Variants in SNTG1 observed in about 807,000 individuals in gnomAD.
SNTG1 encodes the protein gamma-1-syntrophin.
In SNTG1, 39 loss-of-function variants were observed where a neutral mutation model predicts 74.7. That is an observed-to-expected ratio of 0.52 (90% CI 0.40 to 0.68). The LOEUF (loss-of-function observed/expected upper bound fraction) is 0.68. Among genes scored for constraint, SNTG1 ranks in the 30% least tolerant of loss-of-function variants. The pLI is 0.00. For synonymous variants in SNTG1, 254 were observed against 217.1 expected (o/e 1.17, Z -1.49); for missense variants, 685 against 609.5 (o/e 1.12, Z -1.30).
chr8:49,915,284 T>C (rs995320767), intron 1 of SNTG1, among the ~76,000 whole-genome samples: 2 of 152,168 alleles, frequency 1.3e-5, no homozygotes, highest in African/African-American at 4.8e-5. Context: ...ATTCAATGAT[T>C]TTGAGAGTGT....
intron 12 of SNTG1, among the ~76,000 whole-genome samples, chr8:50,576,097 C>T (rs1372426029): frequency 6.6e-6 from 1 of 152,200 alleles, no homozygotes; most frequent in Non-Finnish European, 1.5e-5. Flanking sequence ...CAATTGCATG[C>T]ATCCCAAAAA....
chr8:50,334,466 A>G (rs1453619842), intron 2 of SNTG1, among the ~76,000 whole-genome samples: 2 of 151,428 alleles, frequency 1.3e-5, no homozygotes, highest in Admixed American at 6.6e-5. Flanking sequence ...CCTGTTCTGC[A>G]TTGTTTGCCT....
At chr8:50,526,603 A>ATGTGTG (rs143910529) in intron 9 of SNTG1, among the ~76,000 whole-genome samples, 1 of 149,458 alleles carries the variant, frequency 6.7e-6, no homozygotes, top group African/African-American at 2.5e-5. Context: ...CAGCATATAT[A>ATGTGTG]TGTGTGTGTG....
intron 4 of SNTG1, among the ~76,000 whole-genome samples, chr8:50,403,198 G>T (rs1052295083): frequency 5.3e-5 from 8 of 152,190 alleles, no homozygotes; most frequent in Admixed American, 1.3e-4. Context: ...TTAGCATGGA[G>T]ATTTAATTTG....
At chr8:50,757,002 A>G (rs2095582212) in intron 18 of SNTG1, among the ~76,000 whole-genome samples, 1 of 151,746 alleles carries the variant, frequency 6.6e-6, no homozygotes, top group Non-Finnish European at 1.5e-5. Context: ...ATATTAACTT[A>G]CCTGACATGT....
chr8:50,082,995 T>A (rs1438962478), intron 1 of SNTG1, among the ~76,000 whole-genome samples: 2 of 152,192 alleles, frequency 1.3e-5, no homozygotes, highest in Non-Finnish European at 2.9e-5. Context: ...GTTTAATGTA[T>A]AATACTCCCA....
At chr8:49,929,116 A>T (rs142567052) in intron 1 of SNTG1, among the ~76,000 whole-genome samples, 59 of 152,326 alleles carry the variant, frequency 3.9e-4, no homozygotes, top group African/African-American at 1.3e-3. Flanking sequence ...TTAAATAACT[A>T]ATAAAGAAAA....
rs1406258180 is a variant in SNTG1, at chr8:50,165,925, A to G, written c.-102-6636A>G. On this transcript the variant is annotated intron_variant, in intron 1 of 18. Coordinates refer to ENST00000642720, the MANE Select transcript of SNTG1 (RefSeq NM_018967.5). ...ATGGTACTGGTACCAAAACAGAGAT[A>G]TAGATCAATGGAACAGACCAGAGCC... 3.3e-5 allele frequency among the ~76,000 whole-genome samples: 5 copies of G among 150,714 alleles called. No individual in the cohort carries two copies. The South Asian group carries it at 6.4e-4, about 19-fold the overall frequency.
intron 13 of SNTG1, among the ~76,000 whole-genome samples, chr8:50,637,656 T>G (rs1340671890): frequency 6.6e-6 from 1 of 152,096 alleles, no homozygotes; most frequent in African/African-American, 2.4e-5. Context: ...ATGCGCAGGA[T>G]TGGATGCATT....
chr8:50,015,158 G>A lies in SNTG1; in HGVS notation c.-103+102927G>A, dbSNP rs528002686. On this transcript the variant is annotated intron_variant, in intron 1 of 18. Transcript: ENST00000642720. The stretch of plus-strand genomic sequence containing the variant: ...AATTAAAGCAAAATATAAAAACAAT[G>A]TCTCACACAACAGAGAATATCAAGA... Among the ~76,000 whole-genome samples the A allele has an allele frequency of 1.4e-3, 212 of 152,090 alleles. 4 individuals are homozygous for A. Among genetic ancestry groups the A allele is most frequent in the African/African-American group, 4.9e-3 (204 of 41,510 alleles).
At chr8:50,784,671 T>C (rs548480379) in intron 18 of SNTG1, among the ~76,000 whole-genome samples, 5 of 152,288 alleles carry the variant, frequency 3.3e-5, no homozygotes, top group Admixed American at 1.3e-4. Flanking sequence ...GTCAGCATGA[T>C]AGGCAACCAG....
intron 1 of SNTG1, among the ~76,000 whole-genome samples, chr8:50,167,808 A>G (rs73575330): frequency 0.08 from 11,564 of 145,336 alleles, 1,526 homozygotes; most frequent in African/African-American, 0.28. Context: ...GCAAGATTCT[A>G]TCTCAAAAAA....
chr8:49,993,916 C>G (rs930756598), intron 1 of SNTG1, among the ~76,000 whole-genome samples: 4 of 152,082 alleles, frequency 2.6e-5, no homozygotes, highest in African/African-American at 9.7e-5. Flanking sequence ...CATTATATTC[C>G]TGTTGAAAAT....
intron 2 of SNTG1, among the ~76,000 whole-genome samples, chr8:50,361,138 T>A (rs2091943934): frequency 6.6e-6 from 1 of 152,188 alleles, no homozygotes; most frequent in Non-Finnish European, 1.5e-5. Context: ...GAATTTTAAC[T>A]TTTTTGCTTT....
intron 9 of SNTG1, among the ~76,000 whole-genome samples, chr8:50,517,800 A>C (rs2094146911): frequency 6.6e-6 from 1 of 152,132 alleles, no homozygotes. Context: ...ATGCTGATTC[A>C]TAAGGCAAAT....
At chr8:50,584,173 T>C (rs1432082044) in intron 12 of SNTG1, among the ~76,000 whole-genome samples, 1 of 152,168 alleles carries the variant, frequency 6.6e-6, no homozygotes. Context: ...AGTCTATCAT[T>C]GATGGACATT....
At chr8:50,400,896 A>ATTATATG (rs2092795404) in intron 3 of SNTG1, among the ~76,000 whole-genome samples, 1 of 152,130 alleles carries the variant, frequency 6.6e-6, no homozygotes, top group African/African-American at 2.4e-5. Flanking sequence ...CGCTAGGATG[A>ATTATATG]TCACAGCTAA....
chr8:50,267,495 G>A (rs1463755005), intron 2 of SNTG1, among the ~76,000 whole-genome samples: 1 of 152,084 alleles, frequency 6.6e-6, no homozygotes, highest in East Asian at 1.9e-4. Context: ...TAATAATAAA[G>A]TGATAGGCAA....
At chr8:50,597,673 C>G (rs894395901) in intron 13 of SNTG1, among the ~76,000 whole-genome samples, 2 of 151,868 alleles carry the variant, frequency 1.3e-5, no homozygotes, top group African/African-American at 4.8e-5. Context: ...TTCCCAACAA[C>G]AGTACAAAAG....
Sources: allele counts gnomAD v4.1 joint callset (sites outside exome capture counted in the v4.1 genomes callset), GRCh38; gene constraint gnomAD v4.1.1; transcripts MANE v1.5; gene names NCBI Gene and HGNC (gene_info 2026-07-23, HGNC 2026-07-21).